DENND1B: variants seen among roughly 807,000 people sequenced by gnomAD.
The protein encoded by DENND1B is DENN domain containing 1B, also known as DENN domain-containing protein 1B.
DENND1B carries 59 observed loss-of-function variants against 90.1 expected under a neutral mutation model. That is an observed-to-expected ratio of 0.65 (90% CI 0.53 to 0.81). The LOEUF is 0.81. Among genes scored for constraint, DENND1B ranks in the 40% least tolerant of loss-of-function variants. DENND1B has a pLI of 0.00. For missense variants in DENND1B, 862 were observed against 912.6 expected (o/e 0.94, Z 0.71); for synonymous variants, 337 against 324.6 (o/e 1.04, Z -0.41).
intron 3 of DENND1B, among the ~76,000 whole-genome samples, chr1:197,677,508 C>G (rs1036361491): frequency 6.6e-6 from 1 of 152,212 alleles, no homozygotes; most frequent in Non-Finnish European, 1.5e-5. Flanking sequence ...TTTCCCTGAC[C>G]CCCACATATA....
chr1:197,723,782 C>T (rs1171509412), intron 2 of DENND1B, among the ~76,000 whole-genome samples: 1 of 151,760 alleles, frequency 6.6e-6, no homozygotes, highest in Non-Finnish European at 1.5e-5. Flanking sequence ...TAGCATGAGA[C>T]TGTTGTTTGT....
At chr1:197,746,716 G>C in intron 2 of DENND1B, 1 of 903,760 alleles carries the variant, frequency 1.1e-6, no homozygotes. Context: ...TTGAGCATTT[G>C]AGTCCACAAA....
intron 19 of DENND1B, among the ~76,000 whole-genome samples, chr1:197,540,356 A>G (rs943158943): frequency 6.6e-6 from 1 of 151,992 alleles, no homozygotes; most frequent in Non-Finnish European, 1.5e-5. Flanking sequence ...TAAAATTTAT[A>G]TAAAGATAAT....
upstream of DENND1B, among the ~76,000 whole-genome samples, chr1:197,780,430 A>C (rs1225171249): frequency 6.6e-6 from 1 of 151,608 alleles, no homozygotes; most frequent in African/African-American, 2.4e-5. Context: ...GGTTCAAGCA[A>C]TTCTCCTGCC....
At chr1:197,744,020 A>G (rs1240326745) in intron 2 of DENND1B, among the ~76,000 whole-genome samples, 1 of 152,204 alleles carries the variant, frequency 6.6e-6, no homozygotes, top group Non-Finnish European at 1.5e-5. Flanking sequence ...GATAGCAGCA[A>G]TTCAGTCACA....
At chr1:197,770,993 C>T (rs2102509787) in intron 2 of DENND1B, among the ~76,000 whole-genome samples, 1 of 149,746 alleles carries the variant, frequency 6.7e-6, no homozygotes, top group South Asian at 2.1e-4. Flanking sequence ...CGCACTGCAA[C>T]CTCCACAACC....
At chr1:197,698,423 G>A (rs899543485) in intron 3 of DENND1B, among the ~76,000 whole-genome samples, 7 of 152,010 alleles carry the variant, frequency 4.6e-5, no homozygotes, top group African/African-American at 1.7e-4. Flanking sequence ...AGTGTTAAGA[G>A]GAAAATTTAT....
chr1:197,559,987 T>A (rs530332799), intron 15 of DENND1B, among the ~76,000 whole-genome samples: 2 of 152,022 alleles, frequency 1.3e-5, no homozygotes, highest in South Asian at 4.1e-4. Context: ...CATTAGGTAA[T>A]GAGATGACTA....
At chr1:197,527,302 G>GTTTGTTTTT (rs1669206744) in intron 20 of DENND1B, among the ~76,000 whole-genome samples, 1 of 104,188 alleles carries the variant, frequency 9.6e-6, no homozygotes, top group African/African-American at 3.3e-5. Flanking sequence ...TCACTTGAAG[G>GTTTGTTTTT]TTTTTTTTTG....
At chr1:197,745,652 A>AT (rs1663668608) in intron 2 of DENND1B, among the ~76,000 whole-genome samples, 2 of 147,638 alleles carry the variant, frequency 1.4e-5, no homozygotes, top group Non-Finnish European at 3.0e-5. Context: ...TATATATAAT[A>AT]ATAATGAAAA....
At chr1:197,764,832 T>C (rs1235122412) in intron 2 of DENND1B, among the ~76,000 whole-genome samples, 1 of 152,196 alleles carries the variant, frequency 6.6e-6, no homozygotes, top group African/African-American at 2.4e-5. Flanking sequence ...AACACCGGTG[T>C]ACTTAAAAGG....
chr1:197,655,677 G>A (rs1057029838), intron 6 of DENND1B, among the ~76,000 whole-genome samples: 21 of 151,926 alleles, frequency 1.4e-4, no homozygotes, highest in Non-Finnish European at 1.0e-4. Context: ...GACTACAGGC[G>A]CCCGCCACCA....
chr1:197,607,471 T>C (rs1345246232), intron 12 of DENND1B, among the ~76,000 whole-genome samples: 1 of 150,850 alleles, frequency 6.6e-6, no homozygotes, highest in Non-Finnish European at 1.5e-5. Context: ...GTAAACAAAT[T>C]ATATTCTTTA....
chr1:197,743,208 T>C (rs1663379632), intron 2 of DENND1B, among the ~76,000 whole-genome samples: 1 of 152,196 alleles, frequency 6.6e-6, no homozygotes, highest in East Asian at 1.9e-4. Context: ...CATTACCTTA[T>C]AGCCTTGGAA....
intron 3 of DENND1B, among the ~76,000 whole-genome samples, chr1:197,691,061 T>C (rs1018979984): frequency 6.6e-6 from 1 of 151,984 alleles, no homozygotes; most frequent in Non-Finnish European, 1.5e-5. Context: ...ATGATACGGA[T>C]GTTTATAAAC....
chr1:197,593,326 T>A, intron 14 of DENND1B, among the ~76,000 whole-genome samples: 1 of 142,118 alleles, frequency 7.0e-6, no homozygotes, highest in African/African-American at 2.6e-5. Flanking sequence ...AGAAAAAATG[T>A]AAAGGCATAG....
chr1:197,635,477 C>G (rs1220664964), intron 10 of DENND1B, among the ~76,000 whole-genome samples: 1 of 151,980 alleles, frequency 6.6e-6, no homozygotes, highest in Admixed American at 6.6e-5. Context: ...TCTGGGATTA[C>G]AGGCGTGTGA....
intron 6 of DENND1B, among the ~76,000 whole-genome samples, chr1:197,654,564 C>G (rs560518468): frequency 6.6e-6 from 1 of 151,790 alleles, no homozygotes; most frequent in East Asian, 1.9e-4. Flanking sequence ...GAGCCGAGAT[C>G]GCACCACTGC....
chr1:197,759,362 G>A (rs1215781532), intron 2 of DENND1B, among the ~76,000 whole-genome samples: 1 of 146,640 alleles, frequency 6.8e-6, no homozygotes, highest in Non-Finnish European at 1.5e-5. Context: ...GTAAAATTAG[G>A]AACTAAAGAA....
Sources: gnomAD v4.1 joint callset for allele counts (sites outside exome capture counted in the v4.1 genomes callset) on GRCh38, gnomAD v4.1.1 for gene constraint, MANE v1.5 for transcripts, NCBI Gene and HGNC (gene_info 2026-07-23, HGNC 2026-07-21) for gene names.